SYT9: variants seen among roughly 807,000 people sequenced by gnomAD.
The protein encoded by SYT9 is synaptotagmin-9.
A neutral mutation model predicts 48.4 loss-of-function variants in SYT9; 22 were observed. That is an observed-to-expected ratio of 0.45 (90% CI 0.32 to 0.65). The LOEUF (loss-of-function observed/expected upper bound fraction) is 0.65. SYT9 is among the 30% of genes least tolerant of loss of function. The pLI, the probability that SYT9 is intolerant of heterozygous loss-of-function variation, is 0.03. For missense variants in SYT9, 577 were observed against 622.0 expected (o/e 0.93, Z 0.77); for synonymous variants, 265 against 245.0 (o/e 1.08, Z -0.76).
At chr11:7,347,882 C>G (rs1849832815) in intron 3 of SYT9, among the ~76,000 whole-genome samples, 1 of 152,102 alleles carries the variant, frequency 6.6e-6, no homozygotes, top group South Asian at 2.1e-4. Context: ...CCCATGGAAA[C>G]TGAAGGAGGA....
At chr11:7,412,853 G>C (rs1187226093) in intron 3 of SYT9, among the ~76,000 whole-genome samples, 1 of 152,186 alleles carries the variant, frequency 6.6e-6, no homozygotes, top group African/African-American at 2.4e-5. Context: ...AATTGTGGTG[G>C]TTATCAGGGG....
At chr11:7,325,403 GCT>G (rs2133970050) in intron 3 of SYT9, among the ~76,000 whole-genome samples, 1 of 136,630 alleles carries the variant, frequency 7.3e-6, no homozygotes, top group South Asian at 2.6e-4. Flanking sequence ...TCATGATTTG[GCT>G]CTCTGTTTGT....
At chr11:7,247,186 T>C (rs1564834690), upstream of SYT9, among the ~76,000 whole-genome samples, 1 of 152,184 alleles carries the variant, frequency 6.6e-6, no homozygotes, top group Non-Finnish European at 1.5e-5. Flanking sequence ...TTGTGAGATA[T>C]TGGTGCATCC....
chr11:7,464,902 GA>G (rs1290072650), intron 6 of SYT9, among the ~76,000 whole-genome samples: 4 of 151,774 alleles, frequency 2.6e-5, no homozygotes, highest in South Asian at 4.2e-4. Context: ...CTAACACAGT[GA>G]AACCCCGTCT....
At chr11:7,313,969 G>A (rs1161652646) in intron 3 of SYT9, 28 bp downstream of exon 3, 2 of 1,589,082 alleles carry the variant, frequency 1.3e-6, no homozygotes, top group Non-Finnish European at 1.7e-6. Context: ...TCATTTTTGT[G>A]GTGGGGGGCA....
At chr11:7,456,111 T>C (rs953379410) in intron 6 of SYT9, among the ~76,000 whole-genome samples, 7 of 152,256 alleles carry the variant, frequency 4.6e-5, no homozygotes, top group Non-Finnish European at 8.8e-5. Flanking sequence ...CCTCTCATTT[T>C]TATTTTGTAG....
intron 3 of SYT9, among the ~76,000 whole-genome samples, chr11:7,356,082 C>T (rs1055790698): frequency 6.6e-6 from 1 of 152,198 alleles, no homozygotes; most frequent in African/African-American, 2.4e-5. Flanking sequence ...CTTTTCTGCT[C>T]ATGATCTGTT....
chr11:7,452,128 C>G (rs1848065422), intron 6 of SYT9, among the ~76,000 whole-genome samples: 1 of 151,376 alleles, frequency 6.6e-6, no homozygotes, highest in African/African-American at 2.4e-5. Context: ...AACACACACA[C>G]ACACACACAC....
intron 3 of SYT9, among the ~76,000 whole-genome samples, chr11:7,414,152 C>T (rs7938341): frequency 0.019 from 2,917 of 152,302 alleles, 80 homozygotes; most frequent in African/African-American, 0.065. Flanking sequence ...TGCATTTTCA[C>T]ATCCCGAACC....
chr11:7,282,840 T>A (rs1848524165), intron 1 of SYT9, among the ~76,000 whole-genome samples: 1 of 152,050 alleles, frequency 6.6e-6, no homozygotes, highest in South Asian at 2.1e-4. Context: ...TTCTTTAAAT[T>A]ACATTTAACT....
At chr11:7,312,179 A>G (rs369522418) in intron 2 of SYT9, among the ~76,000 whole-genome samples, 6 of 152,268 alleles carry the variant, frequency 3.9e-5, no homozygotes, top group African/African-American at 1.4e-4. Flanking sequence ...CTATTTTAGG[A>G]TAAAGAGGAA....
At chr11:7,365,059 G>A (rs928657177) in intron 3 of SYT9, among the ~76,000 whole-genome samples, 1 of 152,070 alleles carries the variant, frequency 6.6e-6, no homozygotes, top group Non-Finnish European at 1.5e-5. Context: ...CCTCCTCCCA[G>A]GCCCACCCCG....
chr11:7,402,064 T>G (rs1846904937), intron 3 of SYT9, among the ~76,000 whole-genome samples: 1 of 152,110 alleles, frequency 6.6e-6, no homozygotes, highest in Non-Finnish European at 1.5e-5. Flanking sequence ...TCTAAAATAA[T>G]TTTAATATCC....
intron 6 of SYT9, among the ~76,000 whole-genome samples, chr11:7,425,451 C>T (rs1468301237): frequency 2.6e-5 from 4 of 152,214 alleles, no homozygotes; most frequent in Admixed American, 6.5e-5. Flanking sequence ...GGAAAAGCCA[C>T]GTAGGAAATC....
chr11:7,374,690 A>G (rs1850422093), intron 3 of SYT9, among the ~76,000 whole-genome samples: 1 of 152,166 alleles, frequency 6.6e-6, no homozygotes. Context: ...GCTTTTTGCC[A>G]TATGTTTCTT....
chr11:7,416,151 C>T lies in SYT9; in HGVS notation c.1154C>T (p.Thr385Ile). 1 of 1,614,136 alleles carries T rather than the reference C, an allele frequency of 6.2e-7. No individual in the cohort carries two copies. Among genetic ancestry groups the T allele is most frequent in the Non-Finnish European group, 8.5e-7 (1 of 1,180,000 alleles). Residue 385 changes from threonine (T) to isoleucine (I), a missense_variant, in exon 4 of 7, where the codon ACA (threonine) becomes ATA (isoleucine). Physicochemically the swap from Thr to Ile is moderately conservative, Grantham distance 89 (BLOSUM62 -1). Coordinates refer to ENST00000318881, the MANE Select transcript of SYT9 (RefSeq NM_175733.4). ...AGGAATTTAAAGGCAATGGACATAACAGGAGCATCAGGTGGGGCATTTTCA... is the reference window on the plus strand; with the variant it reads ...AGGAATTTAAAGGCAATGGACATAATAGGAGCATCAGGTGGGGCATTTTCA... ...KARNLKAMDI[T>I]GASDPYVKVS...
Position 7,252,238 on chromosome 11 carries a change from G to A in SYT9, c.52G>A (p.Glu18Lys). The A allele has an allele frequency of 6.7e-7, 1 of 1,501,590 alleles. No individual in the cohort carries two copies. The allele number at this position is 1,501,590 out of a possible 1,614,324, so 93.0% of individuals were successfully genotyped here. A position where few individuals can be genotyped will look rare whatever the true frequency, so the allele number is the denominator to read the frequency against. The change falls in exon 1 of 7, where the codon GAG (glutamate) becomes AAG (lysine). Residue 18 changes from glutamate to lysine, a missense_variant. Coordinates refer to ENST00000318881, the MANE Select transcript of SYT9 (RefSeq NM_175733.4). The surrounding 1 kb of genome is among the most constrained non-coding windows in gnomAD (Gnocchi z 6.3). The stretch of plus-strand genomic sequence containing the variant: ...TCACCAGGCGCTGCAGCTGCTGGCC[G>A]AGCTCTGTGCCCGTGGGGCCCTGGA... Reference protein sequence around the residue: ...LCHQALQLLAELCARGALEHD... With the variant: ...LCHQALQLLAKLCARGALEHD...
At chr11:7,298,372 G>C (rs1470985644) in intron 1 of SYT9, among the ~76,000 whole-genome samples, 1 of 151,962 alleles carries the variant, frequency 6.6e-6, no homozygotes, top group African/African-American at 2.4e-5. Flanking sequence ...TCTCACCCTT[G>C]GTTGCTGTTT....
At chr11:7,357,177 A>AT (rs1027361380) in intron 3 of SYT9, among the ~76,000 whole-genome samples, 23 of 152,086 alleles carry the variant, frequency 1.5e-4, no homozygotes, top group African/African-American at 5.6e-4. Context: ...AGTATTTGAG[A>AT]TTTTTTTCCC....
Sources: allele counts gnomAD v4.1 joint callset (sites outside exome capture counted in the v4.1 genomes callset), GRCh38; gene constraint gnomAD v4.1.1; non-coding constraint Gnocchi (gnomAD v3.1); transcripts MANE v1.5; gene names NCBI Gene and HGNC (gene_info 2026-07-23, HGNC 2026-07-21).